ZMYM2: variants seen among roughly 807,000 people sequenced by gnomAD.
ZMYM2 encodes zinc finger MYM-type containing 2.
In ZMYM2, 56 loss-of-function variants were observed where a neutral mutation model predicts 162.8. That is an observed-to-expected ratio of 0.34 (90% CI 0.28 to 0.43). The LOEUF (loss-of-function observed/expected upper bound fraction) is 0.43. Ranked by LOEUF, ZMYM2 falls within the 20% of genes least tolerant of loss-of-function variation. The pLI is 1.00. For synonymous variants in ZMYM2, 510 were observed against 541.6 expected (o/e 0.94, Z 0.81); for missense variants, 1,275 against 1,621.8 (o/e 0.79, Z 3.67).
chr13:19,865,575 C>T, the ZMYM2 span, among the ~76,000 whole-genome samples: 1 of 152,194 alleles, frequency 6.6e-6, no homozygotes, highest in Non-Finnish European at 1.5e-5. Flanking sequence ...TGGAGAAGGG[C>T]TCCATAGAGA....
chr13:20,014,857 C>T (rs1393499211), intron 6 of ZMYM2, among the ~76,000 whole-genome samples: 1 of 151,216 alleles, frequency 6.6e-6, no homozygotes, highest in Non-Finnish European at 1.5e-5. Flanking sequence ...CCTCACCTCC[C>T]AGGTTCAAGC....
intron 21 of ZMYM2, among the ~76,000 whole-genome samples, chr13:20,076,288 T>C (rs1287383078): frequency 8.0e-5 from 12 of 150,452 alleles, no homozygotes; most frequent in Admixed American, 3.3e-4. Flanking sequence ...TTTGCTGTTA[T>C]AGACAGTGTA....
At chr13:19,926,657 C>A in the ZMYM2 span, among the ~76,000 whole-genome samples, 1 of 152,118 alleles carries the variant, frequency 6.6e-6, no homozygotes, top group Non-Finnish European at 1.5e-5. Context: ...AGCCACTGCA[C>A]CCAGTCTCTA....
chr13:19,884,770 C>G, the ZMYM2 span, among the ~76,000 whole-genome samples: 5 of 152,088 alleles, frequency 3.3e-5, no homozygotes, highest in Admixed American at 1.3e-4. Flanking sequence ...CAACATAGTG[C>G]CGACGCCCCC....
chr13:20,062,713 T>C, intron 17 of ZMYM2, 133 bp from the exon 18 acceptor site: 2 of 929,824 alleles, frequency 2.2e-6, no homozygotes, highest in Non-Finnish European at 3.0e-6. Flanking sequence ...TAATATGCCC[T>C]TTTCTTTTGT....
upstream of ZMYM2, among the ~76,000 whole-genome samples, chr13:19,954,489 T>C (rs544182440): frequency 6.6e-6 from 1 of 152,240 alleles, no homozygotes; most frequent in Admixed American, 6.6e-5. Context: ...CTAGAGAGGC[T>C]GTATAATGAG....
At chr13:20,029,759 T>G (rs1437428468) in intron 9 of ZMYM2, among the ~76,000 whole-genome samples, 2 of 152,188 alleles carry the variant, frequency 1.3e-5, no homozygotes, top group African/African-American at 4.8e-5. Flanking sequence ...AGAAAAAATC[T>G]GTCAGTGTCC....
At chr13:19,946,322 G>A in the ZMYM2 span, among the ~76,000 whole-genome samples, 2 of 152,132 alleles carry the variant, frequency 1.3e-5, no homozygotes, top group African/African-American at 4.8e-5. Flanking sequence ...CCTTCCAGGG[G>A]CCACCCCGCC....
At chr13:20,017,623 T>G (rs1479462141) in intron 6 of ZMYM2, among the ~76,000 whole-genome samples, 1 of 151,976 alleles carries the variant, frequency 6.6e-6, no homozygotes, top group African/African-American at 2.4e-5. Context: ...TACTTTTTTT[T>G]TTTTGTTACA....
the ZMYM2 span, among the ~76,000 whole-genome samples, chr13:19,878,626 A>G: frequency 1.5e-3 from 217 of 146,676 alleles, no homozygotes; most frequent in Non-Finnish European, 2.5e-3. Flanking sequence ...GGTTCAAGTG[A>G]TTCTCCTGCC....
upstream of ZMYM2, among the ~76,000 whole-genome samples, chr13:19,956,449 ATTTAT>A (rs1954522045): frequency 6.6e-6 from 1 of 152,228 alleles, no homozygotes; most frequent in Non-Finnish European, 1.5e-5. Context: ...ACATTCAAAC[ATTTAT>A]TTTTAAAATT....
the ZMYM2 span, among the ~76,000 whole-genome samples, chr13:19,872,308 G>C: frequency 1.3e-5 from 2 of 152,064 alleles, no homozygotes; most frequent in Non-Finnish European, 2.9e-5. Flanking sequence ...CCCAGCACTT[G>C]GGAAGCTGAG....
the ZMYM2 span, chr13:19,864,055 C>G: frequency 1.3e-5 from 2 of 152,494 alleles, no homozygotes; most frequent in Admixed American, 6.5e-5. Context: ...GCCCGGGGGC[C>G]CAAGCTGCGG....
At chr13:20,012,705 T>TCCC (rs1234147115) in intron 6 of ZMYM2, among the ~76,000 whole-genome samples, 1 of 152,204 alleles carries the variant, frequency 6.6e-6, no homozygotes, top group Non-Finnish European at 1.5e-5. Context: ...ATTCCAGTTT[T>TCCC]CCCACCACCA....
At chr13:19,992,023 A>G (rs759254387) in intron 2 of ZMYM2, among the ~76,000 whole-genome samples, 2 of 152,138 alleles carry the variant, frequency 1.3e-5, no homozygotes, top group Non-Finnish European at 2.9e-5. Flanking sequence ...CATTAATCAT[A>G]TCTGCAAAGT....
chr13:20,072,821 C>G (rs1170273890), intron 21 of ZMYM2, among the ~76,000 whole-genome samples: 1 of 152,028 alleles, frequency 6.6e-6, no homozygotes, highest in South Asian at 2.1e-4. Context: ...TCATCAAAGT[C>G]GTCAAATTTG....
intron 21 of ZMYM2, among the ~76,000 whole-genome samples, chr13:20,081,794 G>C (rs1957928469): frequency 6.6e-6 from 1 of 151,802 alleles, no homozygotes; most frequent in Non-Finnish European, 1.5e-5. Context: ...CTTGATTCTG[G>C]GGTGTGTATT....
chr13:20,079,434 C>T (rs914937183), intron 21 of ZMYM2, among the ~76,000 whole-genome samples: 1 of 144,544 alleles, frequency 6.9e-6, no homozygotes, highest in Non-Finnish European at 1.5e-5. Context: ...CCTATTCTAT[C>T]TATAAGTTGC....
intron 12 of ZMYM2, among the ~76,000 whole-genome samples, chr13:20,042,701 G>T (rs557559456): frequency 6.6e-6 from 1 of 151,866 alleles, no homozygotes; most frequent in South Asian, 2.1e-4. Context: ...TGAAGTTGCT[G>T]ACCTTTGCTT....
Sources: gnomAD v4.1 joint callset for allele counts (sites outside exome capture counted in the v4.1 genomes callset) on GRCh38, gnomAD v4.1.1 for gene constraint, MANE v1.5 for transcripts, NCBI Gene and HGNC (gene_info 2026-07-23, HGNC 2026-07-21) for gene names.